The following CPQ variants were observed in gnomAD, a reference collection of about 807,000 sequenced individuals.
The protein encoded by CPQ is carboxypeptidase Q.
Under a neutral mutation model 45.7 loss-of-function variants are expected in CPQ, and 37 were observed. The observed-to-expected ratio is 0.81, with a 90% CI of 0.62 to 1.07. The LOEUF (loss-of-function observed/expected upper bound fraction) is 1.07, where lower values mean the gene tolerates loss of function less well. Ranked by LOEUF, CPQ falls within the 50% of genes least tolerant of loss-of-function variation. CPQ has a pLI of 0.00. For missense variants in CPQ, 537 were observed against 572.9 expected, an observed-to-expected ratio of 0.94 and a Z score of 0.64; for synonymous variants, 186 against 205.8, an observed-to-expected ratio of 0.90 and a Z score of 0.82.
chr8:96,872,961 C>T (rs1812091691), intron 3 of CPQ, among the ~76,000 whole-genome samples: 1 of 151,732 alleles, frequency 6.6e-6, no homozygotes, highest in African/African-American at 2.4e-5. Context: ...AGAAAAAAGC[C>T]AAAAGTCCTT....
At chr8:96,898,052 G>A (rs772363412) in intron 4 of CPQ, among the ~76,000 whole-genome samples, 2 of 43,046 alleles carry the variant, frequency 4.6e-5, no homozygotes, top group Non-Finnish European at 6.1e-5. Context: ...GCTTGAGAAC[G>A]TTGTTTTTGT....
At chr8:96,767,114 A>C (rs1045648315) in intron 1 of CPQ, among the ~76,000 whole-genome samples, 1 of 152,144 alleles carries the variant, frequency 6.6e-6, no homozygotes, top group Admixed American at 6.5e-5. Context: ...TTCCAATAGA[A>C]TCTGATGTTA....
intron 1 of CPQ, among the ~76,000 whole-genome samples, chr8:96,692,848 C>G (rs924717860): frequency 6.6e-6 from 1 of 152,102 alleles, no homozygotes; most frequent in African/African-American, 2.4e-5. Context: ...CAAATGAACT[C>G]AATAAGGTGC....
chr8:96,870,888 A>C (rs1273240800), intron 3 of CPQ, among the ~76,000 whole-genome samples: 1 of 152,014 alleles, frequency 6.6e-6, no homozygotes. Context: ...ATATTTGAAT[A>C]AAGGCCTTTC....
At chr8:97,131,986 T>C (rs374111682) in intron 7 of CPQ, among the ~76,000 whole-genome samples, 16 of 152,200 alleles carry the variant, frequency 1.1e-4, no homozygotes, top group South Asian at 8.3e-4. Context: ...CTCAACCTTT[T>C]TGATTATTAG....
chr8:96,657,565 G>A (rs1331841586), intron 1 of CPQ, among the ~76,000 whole-genome samples: 1 of 152,194 alleles, frequency 6.6e-6, no homozygotes, highest in African/African-American at 2.4e-5. Context: ...GGGAAGTGAA[G>A]CCAAGTGAAG....
chr8:96,944,515 TA>T (rs148372681), intron 4 of CPQ, among the ~76,000 whole-genome samples: 6,932 of 152,132 alleles, frequency 0.046, 228 homozygotes, highest in East Asian at 0.085. Flanking sequence ...AAAACAATAA[TA>T]AAAAAAGGAC....
chr8:96,849,450 C>T (rs1019532881), intron 3 of CPQ, among the ~76,000 whole-genome samples: 1 of 152,140 alleles, frequency 6.6e-6, no homozygotes, highest in Non-Finnish European at 1.5e-5. Context: ...TGTATTATGA[C>T]ACTAGTAGTC....
chr8:97,138,977 CAT>C (rs1278155221), intron 7 of CPQ, among the ~76,000 whole-genome samples: 1 of 151,866 alleles, frequency 6.6e-6, no homozygotes, highest in African/African-American at 2.4e-5. Context: ...ACCTAGAAAA[CAT>C]AATAAACAGA....
intron 1 of CPQ, among the ~76,000 whole-genome samples, chr8:96,722,838 C>G (rs374653379): frequency 6.6e-6 from 1 of 152,030 alleles, no homozygotes; most frequent in Non-Finnish European, 1.5e-5. Context: ...ATTTCCCTGG[C>G]GCAGGAAGAG....
chr8:96,759,754 T>G (rs554026435), intron 1 of CPQ, among the ~76,000 whole-genome samples: 1 of 152,308 alleles, frequency 6.6e-6, no homozygotes, highest in South Asian at 2.1e-4. Flanking sequence ...CTAGGAGCCA[T>G]GTCCTCAGCT....
At chr8:96,962,710 T>A (rs1813480480) in intron 4 of CPQ, among the ~76,000 whole-genome samples, 1 of 152,230 alleles carries the variant, frequency 6.6e-6, no homozygotes, top group African/African-American at 2.4e-5. Context: ...TAAGGAATGC[T>A]AGCCACATTC....
intron 6 of CPQ, among the ~76,000 whole-genome samples, chr8:97,053,220 C>T (rs113091944): frequency 1.7e-3 from 262 of 152,268 alleles, no homozygotes; most frequent in African/African-American, 6.1e-3. Flanking sequence ...TGAGAGCCTA[C>T]TAAGTGCCAG....
chr8:96,951,533 T>C (rs1692607918), intron 4 of CPQ, among the ~76,000 whole-genome samples: 1 of 152,138 alleles, frequency 6.6e-6, no homozygotes, highest in Admixed American at 6.6e-5. Context: ...CAGAGTTTTT[T>C]AGAGAGGTTT....
At chr8:97,123,761 T>C (rs927344498) in intron 7 of CPQ, among the ~76,000 whole-genome samples, 2 of 151,638 alleles carry the variant, frequency 1.3e-5, no homozygotes, top group Admixed American at 1.3e-4. Context: ...TTATATGCTA[T>C]TTACAAAAAA....
At chr8:96,646,546 C>G (rs1022328790) in intron 1 of CPQ, among the ~76,000 whole-genome samples, 7 of 152,172 alleles carry the variant, frequency 4.6e-5, no homozygotes, top group African/African-American at 1.4e-4. Flanking sequence ...CCCAGAAAGA[C>G]GCTTATCTGT....
At chr8:96,949,014 C>T (rs1245365458) in intron 4 of CPQ, among the ~76,000 whole-genome samples, 1 of 152,064 alleles carries the variant, frequency 6.6e-6, no homozygotes, top group African/African-American at 2.4e-5. Flanking sequence ...CCTTCACTTT[C>T]ACCCTGTATG....
chr8:97,104,899 G>A (rs543818732), intron 7 of CPQ, among the ~76,000 whole-genome samples: 8 of 152,274 alleles, frequency 5.3e-5, no homozygotes, highest in Non-Finnish European at 8.8e-5. Flanking sequence ...TATTTCTGCC[G>A]ATCCACATGT....
At chr8:96,841,562 A>G (rs1208157774) in intron 3 of CPQ, among the ~76,000 whole-genome samples, 1 of 152,222 alleles carries the variant, frequency 6.6e-6, no homozygotes, top group Non-Finnish European at 1.5e-5. Context: ...CTAAGGAAGC[A>G]AAAGACTTTC....
Sources: gnomAD v4.1 joint callset for allele counts (sites outside exome capture counted in the v4.1 genomes callset) on GRCh38, gnomAD v4.1.1 for gene constraint, MANE v1.5 for transcripts, NCBI Gene and HGNC (gene_info 2026-07-23, HGNC 2026-07-21) for gene names.